Variants in TANC1 observed in about 807,000 individuals in gnomAD.
The protein encoded by TANC1 is protein TANC1.
TANC1 carries 77 observed loss-of-function variants against 149.7 expected under a neutral mutation model. The ratio of observed to expected loss-of-function variants is 0.51; its 90% CI spans 0.43 to 0.62. TANC1 has a LOEUF of 0.62. TANC1 is among the 20% of genes least tolerant of loss of function. The probability of loss-of-function intolerance (pLI) is 0.00; values close to 1 mark genes in which losing one functional copy is unlikely to be tolerated. For missense variants in TANC1, 1,985 were observed against 2,321.8 expected (o/e 0.85, Z 2.98); for synonymous variants, 854 against 925.0 (o/e 0.92, Z 1.39).
chr2:159,110,254 T>C, intron 4 of TANC1, among the ~76,000 whole-genome samples: 1 of 152,150 alleles, frequency 6.6e-6, no homozygotes, highest in Non-Finnish European at 1.5e-5. Context: ...AAGCGAAGGA[T>C]ATATGTATAG....
intron 1 of TANC1, among the ~76,000 whole-genome samples, chr2:158,984,440 A>G (rs531512395): frequency 6.6e-6 from 1 of 152,182 alleles, no homozygotes; most frequent in African/African-American, 2.4e-5. Context: ...GAATTTCCTT[A>G]TGAGTTTTTT....
chr2:159,074,612 C>T lies in TANC1; in HGVS notation c.61+8641C>T, dbSNP rs995286783. On this transcript the variant is annotated intron_variant, in intron 3 of 26. Coordinates refer to ENST00000263635, the MANE Select transcript of TANC1 (RefSeq NM_033394.3). ...TTTCTTTGTGAGGGCTTGCTCTTCA[C>T]GCCCCACTAAGCAAATTTTCTATAT... Among the ~76,000 whole-genome samples, 14 of 152,262 alleles carry T rather than the reference C, an allele frequency of 9.2e-5. No individual in the cohort carries two copies. In the South Asian group the frequency reaches 2.3e-3, roughly 25 times the overall value.
rs1402145583 is a variant in TANC1 at position 159,161,922 on chromosome 2, A to ATGTGC, written c.683-1349_683-1345dup. Among the ~76,000 whole-genome samples, 4 of 152,356 alleles carry ATGTGC rather than the reference A, an allele frequency of 2.6e-5. No individual in the cohort carries two copies. The East Asian group carries it at 5.8e-4, about 22-fold the overall frequency. ...AGCAAGCATTTATTGAGCACTTACT[A>ATGTGC]TGTGCTGTGCTGTGCTATTCAGAAA... On this transcript the variant is annotated intron_variant, in intron 7 of 26. Transcript: ENST00000263635.
intron 26 of TANC1, among the ~76,000 whole-genome samples, chr2:159,229,207 C>T (rs1166832562): frequency 6.6e-6 from 1 of 152,054 alleles, no homozygotes; most frequent in East Asian, 1.9e-4. Context: ...CAACTAGGGA[C>T]ATTAGGAAGT....
chr2:158,990,001 C>T (rs2035449592), intron 1 of TANC1, among the ~76,000 whole-genome samples: 1 of 151,952 alleles, frequency 6.6e-6, no homozygotes, highest in African/African-American at 2.4e-5. Context: ...CTGCAACCTC[C>T]ACCTCCCGGG....
In TANC1 at chr2:159,176,515, T is replaced by C. The variant is rs201809645; in HGVS notation, c.1899T>C (p.Phe633=). 31 of 1,587,802 alleles carry C rather than the reference T, an allele frequency of 2.0e-5. No individual in the cohort carries two copies. In the South Asian group the frequency reaches 3.6e-4, roughly 19 times the overall value. Residue 633 remains phenylalanine, a synonymous_variant, in exon 13 of 27, where the codon TTT becomes TTC. Coordinates refer to ENST00000263635, the MANE Select transcript of TANC1 (RefSeq NM_033394.3). ...TGATTGTGACTGTAAGAGCAAATTT[T>C]CAGGTAACAAAGAATTCTCAAATCT... ...LKLIVTVRAN[F]QEIISALPFV...
chr2:159,171,361 G>A (rs934203346), intron 10 of TANC1, among the ~76,000 whole-genome samples: 6 of 152,228 alleles, frequency 3.9e-5, no homozygotes, highest in African/African-American at 1.4e-4. Flanking sequence ...GCCAGGCGCT[G>A]TGACTCACAT....
intron 16 of TANC1, among the ~76,000 whole-genome samples, chr2:159,192,942 G>A (rs1048584893): frequency 2.0e-5 from 3 of 152,186 alleles, no homozygotes; most frequent in African/African-American, 7.2e-5. Context: ...GAGCCACCTT[G>A]CCTGGCTATT....
chr2:159,013,554 G>T (rs1306189363), intron 2 of TANC1, among the ~76,000 whole-genome samples: 1 of 152,130 alleles, frequency 6.6e-6, no homozygotes, highest in East Asian at 1.9e-4. Flanking sequence ...CTGGCTAGGG[G>T]GTAAGATCTT....
chr2:159,193,798 G>C (rs1056577621), intron 16 of TANC1, among the ~76,000 whole-genome samples: 13 of 152,096 alleles, frequency 8.5e-5, no homozygotes, highest in Admixed American at 1.3e-4. Flanking sequence ...TGGAATTACA[G>C]GCGTGAGCCA....
intron 4 of TANC1, among the ~76,000 whole-genome samples, chr2:159,132,164 C>T (rs2050171231): frequency 6.6e-6 from 1 of 152,168 alleles, no homozygotes; most frequent in South Asian, 2.1e-4. Flanking sequence ...CTTATTTGAA[C>T]CTCAGTTTCC....
intron 4 of TANC1, among the ~76,000 whole-genome samples, chr2:159,131,777 C>A (rs34936031): frequency 0.075 from 11,437 of 152,270 alleles, 624 homozygotes; most frequent in Middle Eastern, 0.17. Context: ...GACAATAAAA[C>A]CTATGGTTAT....
chr2:159,208,499 A>G (rs557831592), intron 19 of TANC1, among the ~76,000 whole-genome samples: 142 of 152,358 alleles, frequency 9.3e-4, no homozygotes, highest in Middle Eastern at 3.4e-3. Flanking sequence ...AGTTTGTAAC[A>G]TGGTCAGGAG....
chr2:159,195,874 C>T (rs1259016107), intron 17 of TANC1, among the ~76,000 whole-genome samples: 3 of 152,216 alleles, frequency 2.0e-5, no homozygotes, highest in African/African-American at 7.2e-5. Context: ...CAGGGCGTCC[C>T]CAGAGTTGGC....
intron 5 of TANC1, chr2:159,148,861 C>T (rs372833122): frequency 2.1e-4 from 55 of 266,856 alleles, no homozygotes; most frequent in African/African-American, 1.1e-3. Flanking sequence ...CTGAAGTACC[C>T]GTTTTCACAT....
intron 7 of TANC1, among the ~76,000 whole-genome samples, chr2:159,162,520 A>C (rs894375932): frequency 9.9e-5 from 15 of 152,190 alleles, no homozygotes; most frequent in African/African-American, 2.9e-4. Context: ...ATGTAGGGTG[A>C]GTATTGCTTC....
intron 2 of TANC1, among the ~76,000 whole-genome samples, chr2:159,019,952 A>G (rs1354346308): frequency 6.6e-6 from 1 of 151,988 alleles, no homozygotes; most frequent in East Asian, 1.9e-4. Context: ...GAAAGCACTC[A>G]TGACTTCTTT....
chr2:159,120,919 T>TA (rs1455045961), intron 4 of TANC1, among the ~76,000 whole-genome samples: 2 of 152,132 alleles, frequency 1.3e-5, no homozygotes, highest in Non-Finnish European at 2.9e-5. Flanking sequence ...CTCTTTTACT[T>TA]ACGGCAGTTG....
At chr2:159,012,122 C>A (rs1350044086) in intron 2 of TANC1, among the ~76,000 whole-genome samples, 1 of 152,186 alleles carries the variant, frequency 6.6e-6, no homozygotes, top group East Asian at 1.9e-4. Flanking sequence ...CACCCCTGGA[C>A]CCCAATCATA....
Sources: allele counts gnomAD v4.1 joint callset (sites outside exome capture counted in the v4.1 genomes callset), GRCh38; gene constraint gnomAD v4.1.1; transcripts MANE v1.5; gene names NCBI Gene and HGNC (gene_info 2026-07-23, HGNC 2026-07-21).